TRABD2B: variants seen among roughly 807,000 people sequenced by gnomAD.
TRABD2B encodes the protein metalloprotease TIKI2.
TRABD2B carries 14 observed loss-of-function variants against 40.1 expected under a neutral mutation model. The observed-to-expected ratio is 0.35, with a 90% CI of 0.23 to 0.55. The LOEUF is 0.55. Ranked by LOEUF, TRABD2B falls within the 20% of genes least tolerant of loss-of-function variation. The pLI, the probability that TRABD2B is intolerant of heterozygous loss-of-function variation, is 0.90. For missense variants in TRABD2B, 541 were observed against 648.6 expected (o/e 0.83, Z 1.80); for synonymous variants, 263 against 277.0 (o/e 0.95, Z 0.50).
chr1:47,886,165 G>T (rs1303716269), intron 2 of TRABD2B, among the ~76,000 whole-genome samples: 1 of 152,084 alleles, frequency 6.6e-6, no homozygotes, highest in Non-Finnish European at 1.5e-5. Context: ...CTGGTTCATT[G>T]TCTAACCCAT....
chr1:47,821,245 G>A (rs982326030), intron 2 of TRABD2B, among the ~76,000 whole-genome samples: 2 of 152,224 alleles, frequency 1.3e-5, no homozygotes, highest in African/African-American at 4.8e-5. Context: ...AAGGCTCTGT[G>A]CTATGGAGTC....
intron 2 of TRABD2B, among the ~76,000 whole-genome samples, chr1:47,887,966 C>T (rs1022311491): frequency 2.6e-5 from 4 of 152,178 alleles, no homozygotes; most frequent in Admixed American, 6.5e-5. Flanking sequence ...GCCTGCCCTC[C>T]GGAGCCCAGG....
chr1:47,828,832 G>A (rs1437409420), intron 2 of TRABD2B, among the ~76,000 whole-genome samples: 2 of 152,170 alleles, frequency 1.3e-5, no homozygotes, highest in Admixed American at 6.5e-5. Flanking sequence ...CACGTGACAG[G>A]TGCCACCTAG....
chr1:47,816,728 T>C (rs1645037202), intron 2 of TRABD2B, among the ~76,000 whole-genome samples: 1 of 152,180 alleles, frequency 6.6e-6, no homozygotes, highest in Non-Finnish European at 1.5e-5. Flanking sequence ...ATGGTTTGTC[T>C]TTATATACTT....
intron 6 of TRABD2B, among the ~76,000 whole-genome samples, chr1:47,772,536 C>G (rs1033047961): frequency 6.6e-6 from 1 of 152,028 alleles, no homozygotes; most frequent in Non-Finnish European, 1.5e-5. Context: ...CACTCGGGGC[C>G]AGGACGACAG....
intron 2 of TRABD2B, among the ~76,000 whole-genome samples, chr1:47,837,643 C>T (rs1051231482): frequency 6.6e-6 from 1 of 152,174 alleles, no homozygotes; most frequent in African/African-American, 2.4e-5. Context: ...GAGAGACGAA[C>T]CGGGCTTCTG....
intron 2 of TRABD2B, among the ~76,000 whole-genome samples, chr1:47,971,433 G>A (rs1447280296): frequency 1.3e-5 from 2 of 152,134 alleles, no homozygotes; most frequent in Admixed American, 6.5e-5. Flanking sequence ...TTATCTCCTT[G>A]GAAATGATCT....
At chr1:47,853,779 C>A (rs765680186) in intron 2 of TRABD2B, among the ~76,000 whole-genome samples, 17 of 152,212 alleles carry the variant, frequency 1.1e-4, no homozygotes, top group Non-Finnish European at 2.1e-4. Flanking sequence ...GCTTAAGCCC[C>A]TCTGGCCTAG....
intron 2 of TRABD2B, among the ~76,000 whole-genome samples, chr1:47,804,102 C>T (rs1421260747): frequency 2.0e-5 from 3 of 152,214 alleles, no homozygotes; most frequent in Non-Finnish European, 2.9e-5. Flanking sequence ...TGGGCAGGAG[C>T]GCTAGATTGC....
At chr1:47,875,291 A>C (rs1467372487) in intron 2 of TRABD2B, among the ~76,000 whole-genome samples, 7 of 151,504 alleles carry the variant, frequency 4.6e-5, no homozygotes, top group Admixed American at 4.6e-4. Flanking sequence ...ATAGGAGCTG[A>C]GAGTGTTCTT....
At chr1:47,984,419 C>T (rs1054416406) in intron 2 of TRABD2B, among the ~76,000 whole-genome samples, 7 of 152,208 alleles carry the variant, frequency 4.6e-5, no homozygotes, top group African/African-American at 1.7e-4. Context: ...AGAGAGGCGG[C>T]GCGGCTCGGG....
chr1:47,945,326 G>T (rs769909620), intron 2 of TRABD2B, among the ~76,000 whole-genome samples: 33 of 152,130 alleles, frequency 2.2e-4, no homozygotes, highest in South Asian at 4.1e-4. Context: ...AGAGGCTTCA[G>T]GAAGGATTTT....
intron 2 of TRABD2B, among the ~76,000 whole-genome samples, chr1:47,983,083 T>C (rs1645864257): frequency 6.6e-6 from 1 of 152,164 alleles, no homozygotes; most frequent in East Asian, 1.9e-4. Context: ...GGAATCAACC[T>C]AAATGCCCAT....
At chr1:47,960,922 G>A (rs1645503932) in intron 2 of TRABD2B, among the ~76,000 whole-genome samples, 2 of 152,040 alleles carry the variant, frequency 1.3e-5, no homozygotes, top group South Asian at 4.2e-4. Flanking sequence ...TGAGCCAAAA[G>A]AACAAAGCTG....
intron 2 of TRABD2B, among the ~76,000 whole-genome samples, chr1:47,820,696 C>T (rs1447132067): frequency 6.6e-6 from 1 of 151,980 alleles, no homozygotes; most frequent in Non-Finnish European, 1.5e-5. Flanking sequence ...CCCTGTTGGT[C>T]TCATGTCCGT....
chr1:47,983,318 TG>T (rs1645868118), intron 2 of TRABD2B, among the ~76,000 whole-genome samples: 1 of 152,072 alleles, frequency 6.6e-6, no homozygotes, highest in South Asian at 2.1e-4. Flanking sequence ...CAACAGACAC[TG>T]GGGTCTACCT....
chr1:47,955,057 C>T (rs1035114434), intron 2 of TRABD2B, among the ~76,000 whole-genome samples: 1 of 152,128 alleles, frequency 6.6e-6, no homozygotes, highest in African/African-American at 2.4e-5. Context: ...AATGGAATTC[C>T]TTTCTACCCA....
At chr1:47,995,669 C>A (rs549629596) in intron 1 of TRABD2B, among the ~76,000 whole-genome samples, 1 of 152,154 alleles carries the variant, frequency 6.6e-6, no homozygotes. Flanking sequence ...AAGCTTTAGA[C>A]CAACTCATAA....
chr1:47,883,975 G>C (rs753680714), intron 2 of TRABD2B, among the ~76,000 whole-genome samples: 6 of 152,246 alleles, frequency 3.9e-5, no homozygotes, highest in Non-Finnish European at 2.9e-5. Context: ...TCTTGGAAAG[G>C]ATGATTGTGC....
Sources: allele counts gnomAD v4.1 joint callset (sites outside exome capture counted in the v4.1 genomes callset), GRCh38; gene constraint gnomAD v4.1.1; transcripts MANE v1.5; gene names NCBI Gene and HGNC (gene_info 2026-07-23, HGNC 2026-07-21).